The following ZDHHC20 variants were observed in gnomAD, a reference collection of about 807,000 sequenced individuals.
ZDHHC20 encodes zDHHC palmitoyltransferase 20, also known as palmitoyltransferase ZDHHC20.
A neutral mutation model predicts 57.8 loss-of-function variants in ZDHHC20; 43 were observed. That is an observed-to-expected ratio of 0.74 (90% CI 0.58 to 0.96). The LOEUF (loss-of-function observed/expected upper bound fraction) is 0.96, where lower values mean the gene tolerates loss of function less well. Among genes scored for constraint, ZDHHC20 ranks in the 40% least tolerant of loss-of-function variants. The probability of loss-of-function intolerance (pLI) is 0.00; values close to 1 mark genes in which losing one functional copy is unlikely to be tolerated. For missense variants in ZDHHC20, 391 were observed against 441.1 expected (o/e 0.89, Z 1.02); for synonymous variants, 157 against 153.0 (o/e 1.03, Z -0.19).
intron 11 of ZDHHC20, among the ~76,000 whole-genome samples, chr13:21,379,878 A>C (rs2315543): frequency 1.3e-5 from 2 of 148,530 alleles, no homozygotes; most frequent in Non-Finnish European, 1.5e-5. Flanking sequence ...GCAGTGGTGC[A>C]ATCTTGGCTC....
chr13:21,446,005 T>C (rs1401115077), intron 1 of ZDHHC20, among the ~76,000 whole-genome samples: 1 of 152,282 alleles, frequency 6.6e-6, no homozygotes, highest in African/African-American at 2.4e-5. Flanking sequence ...GGTCCTCAGG[T>C]GGCCTGACAG....
At chr13:21,448,565 C>T (rs1272145558) in intron 1 of ZDHHC20, among the ~76,000 whole-genome samples, 2 of 93,636 alleles carry the variant, frequency 2.1e-5, no homozygotes, top group South Asian at 3.3e-4. Flanking sequence ...CCCCTCTGCC[C>T]GGCCAGCCGC....
chr13:21,439,433 T>C (rs1882895217), intron 1 of ZDHHC20, among the ~76,000 whole-genome samples: 1 of 151,770 alleles, frequency 6.6e-6, no homozygotes, highest in South Asian at 2.1e-4. Flanking sequence ...CCAGGAGGTC[T>C]AGGCTGCAGT....
intron 2 of ZDHHC20, among the ~76,000 whole-genome samples, chr13:21,422,250 C>T (rs12146941): frequency 0.16 from 24,412 of 150,024 alleles, 2,607 homozygotes; most frequent in Non-Finnish European, 0.25. Context: ...AAAGTGTTCA[C>T]TGGTCTGCGC....
intron 1 of ZDHHC20, among the ~76,000 whole-genome samples, chr13:21,434,624 G>A (rs1183343397): frequency 6.6e-6 from 1 of 152,112 alleles, no homozygotes; most frequent in East Asian, 1.9e-4. Flanking sequence ...CTGTTTTTAT[G>A]CAGTGATTTG....
At chr13:21,453,700 A>C (rs1884661737) in intron 1 of ZDHHC20, among the ~76,000 whole-genome samples, 1 of 152,192 alleles carries the variant, frequency 6.6e-6, no homozygotes, top group African/African-American at 2.4e-5. Context: ...ATGGAAACTA[A>C]ATCCATGGGG....
intron 1 of ZDHHC20, among the ~76,000 whole-genome samples, chr13:21,458,533 C>T (rs1214340177): frequency 6.6e-6 from 1 of 152,180 alleles, no homozygotes; most frequent in Non-Finnish European, 1.5e-5. Flanking sequence ...GTCTGACCCG[C>T]CTCCAGCCCG....
chr13:21,437,646 A>G (rs1276285815), intron 1 of ZDHHC20, among the ~76,000 whole-genome samples: 1 of 152,176 alleles, frequency 6.6e-6, no homozygotes, highest in Non-Finnish European at 1.5e-5. Flanking sequence ...TAGAAATGGA[A>G]CAACAAAACC....
intron 1 of ZDHHC20, among the ~76,000 whole-genome samples, chr13:21,427,743 G>A (rs1165851775): frequency 1.4e-5 from 2 of 148,100 alleles, no homozygotes; most frequent in East Asian, 2.1e-4. Flanking sequence ...GCTGAGGCAG[G>A]AGAATCACTT....
At chr13:21,376,850 A>C in intron 12 of ZDHHC20, 195 bp from the exon 13 acceptor site, 1 of 345,228 alleles carries the variant, frequency 2.9e-6, no homozygotes, top group East Asian at 5.0e-5. Flanking sequence ...TCTTCCCCAG[A>C]AGCAATCAAA....
rs2137790259 is a variant in ZDHHC20 at position 21,400,465 on chromosome 13, A to T, written c.502T>A (p.Tyr168Asn). The T allele has an allele frequency of 6.4e-7, 1 of 1,574,370 alleles. No individual in the cohort carries two copies. Among genetic ancestry groups the T allele is most frequent in the Middle Eastern group, 1.7e-4 (1 of 5,996 alleles). ...AATAAAAACAGCAGGAAGAATTTGTAATTAGAAAATCCCACACAGTTATTC... is the reference window on the plus strand; with the variant it reads ...AATAAAAACAGCAGGAAGAATTTGTTATTAGAAAATCCCACACAGTTATTC... ...WVNNCVGFSN[Y>N]KFFLLFLLYS... is the part of the protein sequence containing the mutation. The change falls in exon 7 of 13, where the codon TAC becomes AAC. Residue 168 changes from tyrosine to asparagine, a missense_variant. Tyr to Asn is a moderately radical substitution (Grantham distance 143, BLOSUM62 -2). Coordinates refer to ENST00000400590, the MANE Select transcript of ZDHHC20 (RefSeq NM_001330059.2).
At chr13:21,423,933 A>G (rs1402394661) in intron 2 of ZDHHC20, among the ~76,000 whole-genome samples, 1 of 151,930 alleles carries the variant, frequency 6.6e-6, no homozygotes, top group Non-Finnish European at 1.5e-5. Flanking sequence ...TTTGAGATAG[A>G]TGGTAACTTT....
At chr13:21,380,221 T>A (rs1262326846) in intron 11 of ZDHHC20, among the ~76,000 whole-genome samples, 1 of 151,778 alleles carries the variant, frequency 6.6e-6, no homozygotes, top group Non-Finnish European at 1.5e-5. Context: ...GTTCAAGCGA[T>A]TCTCCTGCCT....
chr13:21,385,756 A>G (rs9509675), intron 9 of ZDHHC20, among the ~76,000 whole-genome samples: 22,414 of 152,222 alleles, frequency 0.15, 2,234 homozygotes, highest in Non-Finnish European at 0.23. Context: ...GAACTTACAG[A>G]TCCGAGAAGC....
intron 1 of ZDHHC20, among the ~76,000 whole-genome samples, chr13:21,453,828 T>C (rs1884676313): frequency 6.6e-6 from 1 of 151,926 alleles, no homozygotes; most frequent in African/African-American, 2.4e-5. Flanking sequence ...AAAACTGTCT[T>C]AAAACAAAAC....
intron 4 of ZDHHC20, among the ~76,000 whole-genome samples, chr13:21,409,430 T>C (rs927900532): frequency 1.3e-5 from 2 of 152,254 alleles, no homozygotes; most frequent in Non-Finnish European, 2.9e-5. Flanking sequence ...TGGTAGTTTG[T>C]ATTTCTGTGG....
intron 4 of ZDHHC20, among the ~76,000 whole-genome samples, chr13:21,408,829 T>G (rs964649864): frequency 2.0e-5 from 3 of 152,342 alleles, no homozygotes; most frequent in Admixed American, 6.5e-5. Context: ...GAAAGGTTGC[T>G]GAATTTTATT....
chr13:21,407,710 T>C (rs549658903), intron 4 of ZDHHC20, among the ~76,000 whole-genome samples: 5 of 152,344 alleles, frequency 3.3e-5, no homozygotes, highest in Non-Finnish European at 7.3e-5. Flanking sequence ...ATATCCTGAA[T>C]GGTGTTGCCT....
At chr13:21,447,134 A>G (rs977048688) in intron 1 of ZDHHC20, among the ~76,000 whole-genome samples, 1 of 151,890 alleles carries the variant, frequency 6.6e-6, no homozygotes, top group African/African-American at 2.4e-5. Context: ...AATATAGGTG[A>G]TAATGTGGCA....
Sources: allele counts gnomAD v4.1 joint callset (sites outside exome capture counted in the v4.1 genomes callset), GRCh38; gene constraint gnomAD v4.1.1; transcripts MANE v1.5; gene names NCBI Gene and HGNC (gene_info 2026-07-23, HGNC 2026-07-21).